Variants in MTMR14 observed in about 807,000 individuals in gnomAD.
MTMR14 encodes myotubularin related protein 14, also known as phosphatidylinositol-3,5-bisphosphate 3-phosphatase MTMR14.
In MTMR14, 48 loss-of-function variants were observed where a neutral mutation model predicts 86.3. The ratio of observed to expected loss-of-function variants is 0.56; its 90% CI spans 0.44 to 0.71. MTMR14 has a LOEUF of 0.71. Ranked by LOEUF, MTMR14 falls within the 30% of genes least tolerant of loss-of-function variation. The probability of loss-of-function intolerance (pLI) is 0.00; values close to 1 mark genes in which losing one functional copy is unlikely to be tolerated. For synonymous variants in MTMR14, 366 were observed against 326.1 expected, an observed-to-expected ratio of 1.12 and a Z score of -1.32; for missense variants, 780 against 834.6, an observed-to-expected ratio of 0.93 and a Z score of 0.81.
chr3:9,656,351 GGTTT>G (rs2047607882), intron 2 of MTMR14, among the ~76,000 whole-genome samples: 1 of 152,072 alleles, frequency 6.6e-6, no homozygotes, highest in African/African-American at 2.4e-5. Context: ...AAAGAATTGG[GGTTT>G]GTTATGGCCC....
intron 10 of MTMR14, 199 bp downstream of exon 10, chr3:9,683,443 A>G (rs2125257887): frequency 1.7e-6 from 1 of 599,972 alleles, no homozygotes; most frequent in Non-Finnish European, 3.0e-6. Flanking sequence ...TCAAAATCCT[A>G]GAAAACAAAA....
intron 3 of MTMR14, among the ~76,000 whole-genome samples, chr3:9,662,909 G>T (rs1416990634): frequency 6.6e-6 from 1 of 152,154 alleles, no homozygotes; most frequent in South Asian, 2.1e-4. Flanking sequence ...CCCCAGTTTG[G>T]TTTCATTTTT....
chr3:9,697,462 C>A (rs1362567720), intron 17 of MTMR14, among the ~76,000 whole-genome samples: 1 of 152,192 alleles, frequency 6.6e-6, no homozygotes, highest in Non-Finnish European at 1.5e-5. Flanking sequence ...TACTGCCATG[C>A]TTTGTTCTCA....
chr3:9,667,747 C>T (rs1005720253), intron 3 of MTMR14, among the ~76,000 whole-genome samples: 8 of 152,208 alleles, frequency 5.3e-5, no homozygotes, highest in Non-Finnish European at 1.0e-4. Flanking sequence ...CCTAGTCGTT[C>T]CCACGCACAA....
chr3:9,697,967 C>A, intron 18 of MTMR14, 101 bp downstream of exon 18: 1 of 1,515,042 alleles, frequency 6.6e-7, no homozygotes, highest in Non-Finnish European at 9.1e-7. Flanking sequence ...CGCTCAGGAG[C>A]TGGCCTGGCC....
At chr3:9,657,117 A>G (rs926967230) in intron 2 of MTMR14, among the ~76,000 whole-genome samples, 2 of 151,734 alleles carry the variant, frequency 1.3e-5, no homozygotes, top group African/African-American at 4.8e-5. Context: ...GTCTCGCTGC[A>G]TTGCCCAGGT....
chr3:9,665,245 G>C (rs1410647659), intron 3 of MTMR14, among the ~76,000 whole-genome samples: 2 of 145,666 alleles, frequency 1.4e-5, no homozygotes, highest in Non-Finnish European at 3.0e-5. Flanking sequence ...TCGTGCCATT[G>C]CACTCCAGCC....
In MTMR14 at chr3:9,701,651, T is replaced by C; in HGVS notation, c.1770-139T>C. 9.9e-7 allele frequency: 1 copy of C among 1,006,102 alleles called. No individual in the cohort carries two copies. The highest frequency in any genetic ancestry group is 1.5e-6 in the Non-Finnish European group (1 of 658,146). 62.3% of individuals were successfully genotyped at this position (1,006,102 alleles called of 1,614,324 possible). On this transcript the variant is annotated intron_variant, in intron 18 of 18. Coordinates refer to ENST00000296003, the MANE Select transcript of MTMR14 (RefSeq NM_001077525.3). This position sits in a 1 kb window ranked among gnomAD's most constrained non-coding sequence, Gnocchi z 4.2. ...ATATTTGGGGCCTGAACCACAAGGATAGCATGGCCGTAGGACAGACACTGG... is the reference window on the plus strand; with the variant it reads ...ATATTTGGGGCCTGAACCACAAGGACAGCATGGCCGTAGGACAGACACTGG...
chr3:9,671,590 GTCC>G (rs1387146707), intron 6 of MTMR14, among the ~76,000 whole-genome samples: 4 of 152,072 alleles, frequency 2.6e-5, no homozygotes, highest in Non-Finnish European at 5.9e-5. Flanking sequence ...GCCCTAAGCA[GTCC>G]TCCTGCCTCA....
intron 2 of MTMR14, among the ~76,000 whole-genome samples, chr3:9,662,052 C>T (rs529796494): frequency 5.5e-4 from 83 of 151,998 alleles, no homozygotes; most frequent in African/African-American, 2.0e-3. Flanking sequence ...TGCGCCACTG[C>T]ACTCTAGCCT....
chr3:9,675,668 T>G (rs1463206128), intron 7 of MTMR14: 6 of 457,334 alleles, frequency 1.3e-5, no homozygotes, highest in Non-Finnish European at 2.6e-5. Flanking sequence ...CGAAGCCTAT[T>G]CAGGTAATGA....
chr3:9,685,691 C>A (rs1471963829), intron 13 of MTMR14, among the ~76,000 whole-genome samples: 1 of 151,220 alleles, frequency 6.6e-6, no homozygotes, highest in Non-Finnish European at 1.5e-5. Flanking sequence ...CAGGGTCCTG[C>A]CCCTGATGGT....
At chr3:9,674,587 A>G (rs2048751555) in intron 7 of MTMR14, among the ~76,000 whole-genome samples, 1 of 152,162 alleles carries the variant, frequency 6.6e-6, no homozygotes, top group Non-Finnish European at 1.5e-5. Context: ...CAGGAGTTCA[A>G]GACCAGCCTG....
intron 13 of MTMR14, 84 bp from the exon 14 acceptor site, chr3:9,687,737 T>G: frequency 4.3e-6 from 5 of 1,154,278 alleles, no homozygotes; most frequent in Non-Finnish European, 6.3e-6. Flanking sequence ...GCAGGGGCCT[T>G]GACCTGAGTG....
intron 13 of MTMR14, among the ~76,000 whole-genome samples, chr3:9,686,020 G>A (rs1047325868): frequency 1.3e-5 from 2 of 152,004 alleles, no homozygotes; most frequent in Non-Finnish European, 2.9e-5. Context: ...CTTCTCTTTG[G>A]CCCCCACTCC....
chr3:9,691,109 T>C (rs1278858095), intron 17 of MTMR14, among the ~76,000 whole-genome samples: 1 of 152,232 alleles, frequency 6.6e-6, no homozygotes, highest in African/African-American at 2.4e-5. Flanking sequence ...AAGAACATCC[T>C]CTGCACATAG....
chr3:9,689,439 G>T (rs1259939092), intron 16 of MTMR14, among the ~76,000 whole-genome samples: 1 of 152,228 alleles, frequency 6.6e-6, no homozygotes, highest in Non-Finnish European at 1.5e-5. Flanking sequence ...GTAGGTGTAA[G>T]TTGATGGGGA....
intron 9 of MTMR14, among the ~76,000 whole-genome samples, chr3:9,682,663 G>A (rs2075806120): frequency 6.6e-6 from 1 of 152,236 alleles, no homozygotes; most frequent in East Asian, 1.9e-4. Flanking sequence ...AAGATAGTAT[G>A]CAGTAAATAG....
At chr3:9,699,044 T>G (rs1390296974) in intron 18 of MTMR14, among the ~76,000 whole-genome samples, 5 of 151,750 alleles carry the variant, frequency 3.3e-5, no homozygotes, top group Non-Finnish European at 7.4e-5. Context: ...GGTGAATGCC[T>G]ATTAGTAATC....
Sources: allele counts gnomAD v4.1 joint callset (sites outside exome capture counted in the v4.1 genomes callset), GRCh38; gene constraint gnomAD v4.1.1; non-coding constraint Gnocchi (gnomAD v3.1); transcripts MANE v1.5; gene names NCBI Gene and HGNC (gene_info 2026-07-23, HGNC 2026-07-21).